Variants in TANC1 observed in about 807,000 individuals in gnomAD.
TANC1 encodes the protein tetratricopeptide repeat, ankyrin repeat and coiled-coil containing 1.
In TANC1, 77 loss-of-function variants were observed where a neutral mutation model predicts 149.7. The observed-to-expected ratio is 0.51, with a 90% confidence interval of 0.43 to 0.62. The LOEUF (loss-of-function observed/expected upper bound fraction) is 0.62, where lower values mean the gene tolerates loss of function less well. Among genes scored for constraint, TANC1 ranks in the 20% least tolerant of loss-of-function variants. The pLI, the probability that TANC1 is intolerant of heterozygous loss-of-function variation, is 0.00. For missense variants in TANC1, 1,985 were observed against 2,321.8 expected (o/e 0.85, Z 2.98); for synonymous variants, 854 against 925.0 (o/e 0.92, Z 1.39).
chr2:159,174,346 TG>T (rs748870348), intron 11 of TANC1, among the ~76,000 whole-genome samples: 1 of 152,064 alleles, frequency 6.6e-6, no homozygotes, highest in Non-Finnish European at 1.5e-5. Flanking sequence ...CTCCACACGA[TG>T]GGCAGAGATT....
chr2:158,981,488 CTT>C (rs1232013389), intron 1 of TANC1, among the ~76,000 whole-genome samples: 4 of 75,682 alleles, frequency 5.3e-5, no homozygotes, highest in Non-Finnish European at 1.0e-4. Flanking sequence ...TAATATATAG[CTT>C]TTATATATAT....
In TANC1 at chr2:159,144,777, G is replaced by A. The variant is rs188983718; in HGVS notation, c.365-4365G>A. On this transcript the variant is annotated intron_variant, in intron 5 of 26. Transcript: ENST00000263635. ...GGCTGAGAAGGAGCAGACAGAAACAGGGAAAATACTTGTAAGTAGGAGTCA... is the reference window on the plus strand; with the variant it reads ...GGCTGAGAAGGAGCAGACAGAAACAAGGAAAATACTTGTAAGTAGGAGTCA... Among the ~76,000 whole-genome samples the A allele has an allele frequency of 7.2e-5, 11 of 152,310 alleles. No homozygotes were observed. In the East Asian group the frequency reaches 2.1e-3, roughly 29 times the overall value.
chr2:159,022,411 T>C (rs755548115), intron 2 of TANC1, among the ~76,000 whole-genome samples: 2 of 152,150 alleles, frequency 1.3e-5, no homozygotes, highest in African/African-American at 4.8e-5. Flanking sequence ...GGATGTTTGT[T>C]CCGGGGTTCT....
intron 19 of TANC1, among the ~76,000 whole-genome samples, chr2:159,213,284 G>A (rs1448639178): frequency 2.0e-5 from 3 of 152,016 alleles, no homozygotes; most frequent in Middle Eastern, 3.2e-3. Context: ...AATCATTAAC[G>A]TTATCATCGT....
Position 159,068,635 on chromosome 2 carries a change from A to T in TANC1, c.61+2664A>T, listed in dbSNP as rs551115077. On this transcript the variant is annotated intron_variant, in intron 3 of 26. Coordinates refer to ENST00000263635, the MANE Select transcript of TANC1 (RefSeq NM_033394.3). ...ATTCCCTCATTTATCCCTAAAAAAAAGTTATCACCTATATCTATAGGTAAA... is the reference window on the plus strand; with the variant it reads ...ATTCCCTCATTTATCCCTAAAAAAATGTTATCACCTATATCTATAGGTAAA... Among the ~76,000 whole-genome samples, 117 of 152,370 alleles carry T rather than the reference A, an allele frequency of 7.7e-4. 1 individual carries two copies. Among genetic ancestry groups the T allele is most frequent in the African/African-American group, 2.6e-3 (109 of 41,598 alleles).
Position 159,225,692 on chromosome 2 carries a change from T to C in TANC1, c.3816T>C (p.Asn1272=). Residue 1272 remains asparagine, a synonymous_variant, in exon 24 of 27, where the codon AAT becomes AAC. Coordinates refer to ENST00000263635, the MANE Select transcript of TANC1 (RefSeq NM_033394.3). ...ALLRKGAKLG[N]AAWAMATSKP... is the part of the protein sequence containing the mutation. ...GAATGCGTGTTTGTTTTGCAGGAAA[T>C]GCTGCTTGGGCGATGGCCACTTCCA... The C allele has an allele frequency of 6.2e-7, 1 of 1,613,878 alleles. No homozygotes were observed. Among genetic ancestry groups the C allele is most frequent in the Non-Finnish European group, 8.5e-7 (1 of 1,179,734 alleles).
chr2:159,042,781 G>A (rs2040755957), intron 2 of TANC1, among the ~76,000 whole-genome samples: 1 of 152,028 alleles, frequency 6.6e-6, no homozygotes, highest in African/African-American at 2.4e-5. Context: ...GTGTGAAGTT[G>A]AGTGGTGTGT....
chr2:159,179,169 G>T lies in TANC1; in HGVS notation c.2510+6G>T. On this transcript the variant is annotated splice_donor_region_variant and intron_variant, in intron 14 of 26. Transcript: ENST00000263635. The stretch of plus-strand genomic sequence containing the variant: ...GCCTTCCTGTGTGAGCCCAGGTACG[G>T]CAGGCGCTTTCTTTCAGCTCTTTGC... 1 of 1,601,610 alleles carries T rather than the reference G, an allele frequency of 6.2e-7. No homozygotes were observed. Among genetic ancestry groups the T allele is most frequent in the South Asian group, 1.1e-5 (1 of 89,506 alleles).
intron 4 of TANC1, among the ~76,000 whole-genome samples, chr2:159,118,199 G>A (rs114516848): frequency 0.01 from 1,589 of 152,202 alleles, 28 homozygotes; most frequent in African/African-American, 0.036. Flanking sequence ...GAAGTTATTC[G>A]TTTCCTTCCC....
intron 1 of TANC1, among the ~76,000 whole-genome samples, chr2:158,971,708 C>G (rs1032242380): frequency 1.3e-5 from 2 of 152,114 alleles, no homozygotes; most frequent in African/African-American, 4.8e-5. Context: ...CTGTGACTCT[C>G]CAAAAGTTTG....
intron 7 of TANC1, among the ~76,000 whole-genome samples, chr2:159,160,962 G>T (rs985327907): frequency 1.3e-5 from 2 of 151,778 alleles, no homozygotes; most frequent in African/African-American, 4.8e-5. Flanking sequence ...GGACCTGAGT[G>T]TTACCCCTCC....
In TANC1 at chr2:159,081,914, G is replaced by T. The variant is rs531850917; in HGVS notation, c.62-15723G>T. ...TAGCCTATAACCAAAGGAGCTGGGG[G>T]ATCCAGGTCCAGTGACCAGCCCTTC... On this transcript the variant is annotated intron_variant, in intron 3 of 26. Transcript: ENST00000263635. 1.1e-3 allele frequency among the ~76,000 whole-genome samples: 169 copies of T among 152,330 alleles called. 1 individual carries two copies. The highest frequency in any genetic ancestry group is 1.8e-3 in the Non-Finnish European group (122 of 68,034).
intron 2 of TANC1, among the ~76,000 whole-genome samples, chr2:159,030,607 G>A (rs555858514): frequency 6.6e-5 from 10 of 152,078 alleles, no homozygotes; most frequent in Non-Finnish European, 1.2e-4. Context: ...CTCAGTTTTC[G>A]CCTTAGAACT....
intron 2 of TANC1, among the ~76,000 whole-genome samples, chr2:159,054,032 G>T (rs1353404978): frequency 6.6e-6 from 1 of 152,204 alleles, no homozygotes; most frequent in African/African-American, 2.4e-5. Flanking sequence ...TGCTCTAGGA[G>T]TGAAGTGTGT....
intron 22 of TANC1, among the ~76,000 whole-genome samples, chr2:159,220,357 G>T (rs1218360657): frequency 6.6e-6 from 1 of 151,930 alleles, no homozygotes; most frequent in Non-Finnish European, 1.5e-5. Context: ...GCCCAGGCTG[G>T]AGTGCAGTGG....
intron 4 of TANC1, among the ~76,000 whole-genome samples, chr2:159,102,108 C>T (rs264639): frequency 0.12 from 18,447 of 151,986 alleles, 1,929 homozygotes; most frequent in East Asian, 0.59. Context: ...TTAATGTCTG[C>T]GAAGGCACTC....
intron 3 of TANC1, among the ~76,000 whole-genome samples, chr2:159,091,762 G>A (rs553995721): frequency 1.3e-5 from 2 of 152,318 alleles, no homozygotes; most frequent in South Asian, 4.1e-4. Context: ...GGTATTGTTT[G>A]AGAATTAATC....
At chr2:159,202,469 GT>G (rs1329940284) in intron 19 of TANC1, among the ~76,000 whole-genome samples, 1 of 152,154 alleles carries the variant, frequency 6.6e-6, no homozygotes, top group African/African-American at 2.4e-5. Flanking sequence ...TTAAGTTTCT[GT>G]TTTCACCAGC....
At chr2:159,214,320 A>G (rs752524132) in intron 19 of TANC1, among the ~76,000 whole-genome samples, 17 of 152,112 alleles carry the variant, frequency 1.1e-4, no homozygotes, top group Admixed American at 1.1e-3. Context: ...GCAGGGGAAA[A>G]CTGAAGCTCA....
Sources: gnomAD v4.1 joint callset for allele counts (sites outside exome capture counted in the v4.1 genomes callset) on GRCh38, gnomAD v4.1.1 for gene constraint, MANE v1.5 for transcripts, NCBI Gene and HGNC (gene_info 2026-07-23, HGNC 2026-07-21) for gene names.